EXD2: variants seen among roughly 807,000 people sequenced by gnomAD.
EXD2 encodes the protein exonuclease 3'-5' domain-containing protein 2.
A neutral mutation model predicts 62.5 loss-of-function variants in EXD2; 40 were observed. The observed-to-expected ratio is 0.64, with a 90% CI of 0.50 to 0.83. EXD2 has a LOEUF of 0.83. Among genes scored for constraint, EXD2 ranks in the 40% least tolerant of loss-of-function variants. EXD2 has a pLI of 0.00. For synonymous variants in EXD2, 239 were observed against 291.9 expected (o/e 0.82, Z 1.85); for missense variants, 671 against 761.8 (o/e 0.88, Z 1.40).
intron 3 of EXD2, among the ~76,000 whole-genome samples, chr14:69,221,887 C>CA (rs1255028778): frequency 8.6e-6 from 1 of 116,136 alleles, no homozygotes; most frequent in East Asian, 2.8e-4. Context: ...GCCTGGCCAA[C>CA]ATGGTGAAAC....
chr14:69,205,558 T>C (rs1035769441), intron 2 of EXD2, among the ~76,000 whole-genome samples: 1 of 152,244 alleles, frequency 6.6e-6, no homozygotes, highest in African/African-American at 2.4e-5. Context: ...TTTTCATTAA[T>C]ATCTCTGAAT....
chr14:69,227,727 G>A (rs765542892), intron 3 of EXD2, among the ~76,000 whole-genome samples: 2 of 152,014 alleles, frequency 1.3e-5, no homozygotes, highest in Non-Finnish European at 2.9e-5. Context: ...CCAGCTACTC[G>A]GGAGGCTGAG....
In EXD2 at chr14:69,209,743, C is replaced by T. The variant is rs756354734; in HGVS notation, c.273C>T (p.Ile91=). The T allele has an allele frequency of 3.2e-6, 5 of 1,546,862 alleles. No individual in the cohort carries two copies. The highest frequency in any genetic ancestry group is 2.4e-5 in the South Asian group (2 of 83,630). The change falls in exon 3 of 10, where the codon ATC becomes ATT. Residue 91 remains isoleucine, a synonymous_variant. Coordinates refer to ENST00000685843, the MANE Select transcript of EXD2 (RefSeq NM_001193360.2). ...TVSQEAEWDQ[I]EPLLRSELED... ...CTCAGGAGGCAGAGTGGGATCAAATCGAGCCCTTGCTTAGAAGTGAATTAG... is the reference window on the plus strand; with the variant it reads ...CTCAGGAGGCAGAGTGGGATCAAATTGAGCCCTTGCTTAGAAGTGAATTAG...
At chr14:69,207,366 C>T (rs1253023698) in intron 2 of EXD2, among the ~76,000 whole-genome samples, 1 of 152,020 alleles carries the variant, frequency 6.6e-6, no homozygotes, top group Non-Finnish European at 1.5e-5. Flanking sequence ...TGGTGGCATA[C>T]CCCTGTAGTC....
At chr14:69,233,289 T>G (rs2043649821) in intron 5 of EXD2, among the ~76,000 whole-genome samples, 1 of 152,190 alleles carries the variant, frequency 6.6e-6, no homozygotes. Flanking sequence ...AAATGATCCT[T>G]ACTAATAGAA....
At chr14:69,214,216 CTT>C (rs766208733) in intron 3 of EXD2, 1 of 152,044 alleles carries the variant, frequency 6.6e-6, no homozygotes. Context: ...AAGATCTTCT[CTT>C]TGAGTTTATG....
At chr14:69,215,491 CA>C (rs2042960152) in intron 3 of EXD2, among the ~76,000 whole-genome samples, 1 of 152,114 alleles carries the variant, frequency 6.6e-6, no homozygotes, top group African/African-American at 2.4e-5. Flanking sequence ...TAGATGATGC[CA>C]AACTGTTTAC....
chr14:69,240,546 C>G (rs2043946476), intron 9 of EXD2, among the ~76,000 whole-genome samples: 1 of 152,240 alleles, frequency 6.6e-6, no homozygotes, highest in South Asian at 2.1e-4. Context: ...GTGAACTGGT[C>G]ACTGGGTAAT....
intron 6 of EXD2, chr14:69,235,759 T>C: frequency 2.5e-6 from 1 of 404,034 alleles, no homozygotes; most frequent in Non-Finnish European, 4.5e-6. Context: ...GGTTCTTTTT[T>C]GCATTCACAG....
intron 8 of EXD2, 136 bp from the exon 9 acceptor site, chr14:69,237,439 C>T (rs2043833565): frequency 1.4e-6 from 1 of 724,322 alleles, no homozygotes; most frequent in Non-Finnish European, 2.4e-6. Flanking sequence ...TTTCTGTGAT[C>T]TGTGTTGGGC....
rs2042743671 is a variant in EXD2, at chr14:69,209,797, T to TTAAAAA, written c.327_328insTAAAAA (p.Cys109_Glu110insTer). ...ATTTTCCAGTACTTGGAATTGACTG[T>TTAAAAA]GAGTGGGTAAGTTAAAAAGCAAAAG... On this transcript the variant is annotated stop_gained and inframe_insertion, in exon 3 of 10. Coordinates refer to ENST00000685843, the MANE Select transcript of EXD2 (RefSeq NM_001193360.2). LOFTEE classifies it high-confidence loss of function. 7.0e-6 allele frequency: 10 copies of TTAAAAA among 1,438,172 alleles called. No individual in the cohort carries two copies. The highest frequency in any genetic ancestry group is 1.5e-5 in the African/African-American group (1 of 67,530). The allele number at this position is 1,438,172 out of a possible 1,614,324, so 89.1% of individuals were successfully genotyped here.
At chr14:69,230,378 A>G (rs1274328795) in intron 4 of EXD2, 94 bp from the exon 5 acceptor site, 2 of 695,168 alleles carry the variant, frequency 2.9e-6, no homozygotes, top group Middle Eastern at 2.8e-4. Flanking sequence ...TCAGTATGTT[A>G]TCTCTGTTTA....
intron 5 of EXD2, among the ~76,000 whole-genome samples, chr14:69,232,515 G>C (rs952582866): frequency 3.9e-5 from 6 of 152,110 alleles, no homozygotes; most frequent in African/African-American, 1.2e-4. Context: ...CCCACCAGCA[G>C]TGTATGAGGG....
At chr14:69,219,391 C>T (rs1371809245) in intron 3 of EXD2, among the ~76,000 whole-genome samples, 1 of 152,150 alleles carries the variant, frequency 6.6e-6, no homozygotes, top group Admixed American at 6.6e-5. Context: ...ATCCATTCTT[C>T]TGTTGATGAA....
intron 3 of EXD2, among the ~76,000 whole-genome samples, chr14:69,225,513 T>A (rs182657615): frequency 5.3e-4 from 81 of 152,326 alleles, no homozygotes; most frequent in African/African-American, 1.9e-3. Flanking sequence ...TGTGTATATA[T>A]AACACATTAA....
At chr14:69,226,321 A>G (rs2043360210) in intron 3 of EXD2, among the ~76,000 whole-genome samples, 1 of 152,244 alleles carries the variant, frequency 6.6e-6, no homozygotes. Context: ...CAAGAAATAG[A>G]CAATGAGATC....
chr14:69,225,672 CTT>C (rs1235637773), intron 3 of EXD2, among the ~76,000 whole-genome samples: 1 of 152,058 alleles, frequency 6.6e-6, no homozygotes, highest in African/African-American at 2.4e-5. Context: ...AAACGTGTCA[CTT>C]TTTAATAATG....
intron 9 of EXD2, 126 bp downstream of exon 9, chr14:69,238,057 G>A: frequency 1.3e-6 from 1 of 782,070 alleles, no homozygotes; most frequent in South Asian, 1.8e-5. Context: ...TCACCTAGTA[G>A]GTGTCTAGTA....
intron 2 of EXD2, among the ~76,000 whole-genome samples, chr14:69,207,475 C>T (rs904321734): frequency 6.6e-6 from 1 of 151,880 alleles, no homozygotes; most frequent in Non-Finnish European, 1.5e-5. Context: ...GTCTGGGCGA[C>T]GGCGAGAGAC....
Sources: gnomAD v4.1 joint callset for allele counts (sites outside exome capture counted in the v4.1 genomes callset) on GRCh38, gnomAD v4.1.1 for gene constraint, MANE v1.5 for transcripts, NCBI Gene and HGNC (gene_info 2026-07-23, HGNC 2026-07-21) for gene names.